The following ERBB4 variants were observed in gnomAD, a reference collection of about 807,000 sequenced individuals.
ERBB4 encodes the protein receptor tyrosine-protein kinase erbB-4.
A neutral mutation model predicts 158.0 loss-of-function variants in ERBB4; 42 were observed. That is an observed-to-expected ratio of 0.27 (90% CI 0.21 to 0.34). The LOEUF (loss-of-function observed/expected upper bound fraction) is 0.34. ERBB4 is among the 10% of genes least tolerant of loss of function. The probability of loss-of-function intolerance (pLI) is 1.00; values close to 1 mark genes in which losing one functional copy is unlikely to be tolerated. For synonymous variants in ERBB4, 583 were observed against 558.7 expected (o/e 1.04, Z -0.61); for missense variants, 1,333 against 1,624.1 (o/e 0.82, Z 3.08).
chr2:212,511,755 T>A (rs1691532728), intron 1 of ERBB4, among the ~76,000 whole-genome samples: 1 of 152,102 alleles, frequency 6.6e-6, no homozygotes, highest in African/African-American at 2.4e-5. Flanking sequence ...AGGGCTTGTA[T>A]TAAGTAAAAT....
intron 3 of ERBB4, among the ~76,000 whole-genome samples, chr2:211,901,196 G>A (rs751984567): frequency 6.6e-5 from 10 of 152,102 alleles, no homozygotes; most frequent in Non-Finnish European, 1.0e-4. Flanking sequence ...TATGTCTTAG[G>A]TCTGTTTTTG....
intron 19 of ERBB4, among the ~76,000 whole-genome samples, chr2:211,587,279 C>T (rs189953271): frequency 2.6e-5 from 4 of 152,100 alleles, no homozygotes; most frequent in East Asian, 3.9e-4. Flanking sequence ...TGCTTGAACC[C>T]GGGAGGCAGA....
intron 1 of ERBB4, among the ~76,000 whole-genome samples, chr2:212,432,954 C>A (rs1417565049): frequency 6.6e-6 from 1 of 152,030 alleles, no homozygotes; most frequent in East Asian, 1.9e-4. Context: ...TTTTCTACCA[C>A]ATAACCAAAG....
At chr2:211,441,641 T>G (rs943793664) in intron 20 of ERBB4, among the ~76,000 whole-genome samples, 2 of 152,138 alleles carry the variant, frequency 1.3e-5, no homozygotes, top group African/African-American at 4.8e-5. Context: ...ATATCTTTTC[T>G]GGGGCTGCTA....
chr2:211,657,174 G>A (rs544071769), intron 16 of ERBB4, among the ~76,000 whole-genome samples: 2 of 151,742 alleles, frequency 1.3e-5, no homozygotes, highest in South Asian at 4.2e-4. Flanking sequence ...TTCTATTAAA[G>A]GTATATATTA....
chr2:212,306,756 G>A (rs2086826042), intron 1 of ERBB4, among the ~76,000 whole-genome samples: 1 of 150,430 alleles, frequency 6.6e-6, no homozygotes, highest in South Asian at 2.1e-4. Context: ...CTTAAAGTTT[G>A]GATGCATTTA....
At chr2:212,489,192 C>G (rs140944744) in intron 1 of ERBB4, among the ~76,000 whole-genome samples, 4 of 151,952 alleles carry the variant, frequency 2.6e-5, no homozygotes, top group South Asian at 2.1e-4. Context: ...ATATCCCACA[C>G]GTAGATCTGA....
chr2:211,726,789 G>C (rs996558348), intron 5 of ERBB4, among the ~76,000 whole-genome samples: 2 of 152,116 alleles, frequency 1.3e-5, no homozygotes, highest in African/African-American at 4.8e-5. Context: ...AATCAGTGTT[G>C]ATTCACAGTA....
At chr2:212,348,247 A>G (rs1289081341) in intron 1 of ERBB4, among the ~76,000 whole-genome samples, 2 of 152,146 alleles carry the variant, frequency 1.3e-5, no homozygotes, top group African/African-American at 4.8e-5. Flanking sequence ...AACATCCTCC[A>G]AGAGGATCAC....
intron 2 of ERBB4, among the ~76,000 whole-genome samples, chr2:212,010,308 G>T (rs1308743288): frequency 6.6e-6 from 1 of 152,104 alleles, no homozygotes; most frequent in South Asian, 2.1e-4. Flanking sequence ...TAAGCTTCTG[G>T]TGGTCTAAAC....
chr2:211,818,470 T>G (rs1215690675), intron 3 of ERBB4, among the ~76,000 whole-genome samples: 1 of 151,920 alleles, frequency 6.6e-6, no homozygotes, highest in African/African-American at 2.4e-5. Flanking sequence ...TATGTGCTAG[T>G]TAGATAAATG....
chr2:212,120,892 T>C (rs371826052), intron 2 of ERBB4, among the ~76,000 whole-genome samples: 25 of 152,284 alleles, frequency 1.6e-4, no homozygotes, highest in African/African-American at 5.3e-4. Flanking sequence ...TTGAAACTTA[T>C]AGGAAATAAT....
At chr2:212,148,836 T>C (rs1268757774) in intron 1 of ERBB4, among the ~76,000 whole-genome samples, 2 of 144,830 alleles carry the variant, frequency 1.4e-5, no homozygotes, top group Non-Finnish European at 3.0e-5. Context: ...TATGCAGCCA[T>C]AAAAAATGAT....
At chr2:212,181,476 A>C (rs976235160) in intron 1 of ERBB4, among the ~76,000 whole-genome samples, 2 of 151,600 alleles carry the variant, frequency 1.3e-5, no homozygotes, top group African/African-American at 4.8e-5. Flanking sequence ...CCTATAAATA[A>C]TTTCAATATG....
intron 12 of ERBB4, among the ~76,000 whole-genome samples, chr2:211,689,416 C>G (rs2072708667): frequency 6.6e-6 from 1 of 152,108 alleles, no homozygotes; most frequent in South Asian, 2.1e-4. Context: ...CCAGGCTGGT[C>G]TCGAACTCTG....
rs114738995 is a variant in ERBB4 at position 212,417,023 on chromosome 2, G to A, written c.82+121426C>T. Among the ~76,000 whole-genome samples, 610 of 152,048 alleles carry A rather than the reference G, an allele frequency of 4.0e-3. 6 individuals are homozygous for A. The highest frequency in any genetic ancestry group is 0.014 in the African/African-American group (578 of 41,534). ...TCTAAGAAAAAGTATACTACCTAAA[G>A]GAGAGGGAAAATGGATTTATACTTT... is the stretch of plus-strand genomic sequence containing the variant. On this transcript the variant is annotated intron_variant, in intron 1 of 27. Coordinates refer to ENST00000342788, the MANE Select transcript of ERBB4 (RefSeq NM_005235.3).
chr2:212,354,227 T>C (rs1046882181), intron 1 of ERBB4, among the ~76,000 whole-genome samples: 4 of 152,132 alleles, frequency 2.6e-5, no homozygotes, highest in African/African-American at 4.8e-5. Flanking sequence ...CAACTGTCCC[T>C]AAGCAGCTTC....
At chr2:212,031,517 A>C (rs1266543187) in intron 2 of ERBB4, among the ~76,000 whole-genome samples, 1 of 152,184 alleles carries the variant, frequency 6.6e-6, no homozygotes, top group African/African-American at 2.4e-5. Context: ...AAAGCCAGAG[A>C]TTCTGGTTTA....
At chr2:211,953,733 G>A (rs914469299) in intron 2 of ERBB4, among the ~76,000 whole-genome samples, 3 of 151,972 alleles carry the variant, frequency 2.0e-5, no homozygotes, top group African/African-American at 7.2e-5. Flanking sequence ...AGCCTTGAAT[G>A]CTTCAAAACT....
Sources: gnomAD v4.1 joint callset for allele counts (sites outside exome capture counted in the v4.1 genomes callset) on GRCh38, gnomAD v4.1.1 for gene constraint, MANE v1.5 for transcripts, NCBI Gene and HGNC (gene_info 2026-07-23, HGNC 2026-07-21) for gene names.